Variants in LOXHD1 observed in about 807,000 individuals in gnomAD.
LOXHD1 encodes lipoxygenase homology PLAT domains 1.
Under a neutral mutation model 248.2 loss-of-function variants are expected in LOXHD1, and 205 were observed. The observed-to-expected ratio is 0.83, with a 90% confidence interval of 0.74 to 0.93. The LOEUF (loss-of-function observed/expected upper bound fraction) is 0.93, where lower values mean the gene tolerates loss of function less well. LOXHD1 is among the 40% of genes least tolerant of loss of function. LOXHD1 has a pLI of 0.00. For missense variants in LOXHD1, 2,930 were observed against 2,971.6 expected, an observed-to-expected ratio of 0.99 and a Z score of 0.33; for synonymous variants, 1,113 against 1,162.8, an observed-to-expected ratio of 0.96 and a Z score of 0.87.
intron 17 of LOXHD1, among the ~76,000 whole-genome samples, chr18:46,565,306 C>G (rs2037617138): frequency 6.6e-6 from 1 of 152,046 alleles, no homozygotes; most frequent in African/African-American, 2.4e-5. Context: ...CTGTGCCAGG[C>G]TTTGGTCCCA....
At chr18:46,545,763 G>A (rs1025915805) in intron 22 of LOXHD1, among the ~76,000 whole-genome samples, 8 of 148,478 alleles carry the variant, frequency 5.4e-5, no homozygotes, top group African/African-American at 2.0e-4. Context: ...CCAAGTAGCT[G>A]GGACTACAGG....
chr18:46,604,306 A>T, intron 6 of LOXHD1, 77 bp from the exon 7 acceptor site: 2 of 1,524,440 alleles, frequency 1.3e-6, no homozygotes, highest in Non-Finnish European at 1.8e-6. Flanking sequence ...CCAATCTTCC[A>T]ATCACTTGAG....
intron 28 of LOXHD1, among the ~76,000 whole-genome samples, chr18:46,532,547 G>A (rs1269313618): frequency 6.6e-6 from 1 of 151,884 alleles, no homozygotes; most frequent in African/African-American, 2.4e-5. Context: ...AGAATATGGT[G>A]GTATCACCAA....
intron 21 of LOXHD1, among the ~76,000 whole-genome samples, chr18:46,548,167 T>C (rs1393040177): frequency 6.8e-6 from 1 of 146,070 alleles, no homozygotes; most frequent in Admixed American, 6.7e-5. Context: ...ATATCCTCTC[T>C]GGGTGCTAAG....
intron 12 of LOXHD1, among the ~76,000 whole-genome samples, chr18:46,587,220 T>C (rs1183519992): frequency 3.9e-5 from 6 of 152,224 alleles, no homozygotes; most frequent in Admixed American, 2.0e-4. Context: ...TTGGTTCTTT[T>C]GTGTGAAGCT....
At chr18:46,521,995 A>C (rs2035598104) in intron 32 of LOXHD1, 106 bp downstream of exon 32, 5 of 891,626 alleles carry the variant, frequency 5.6e-6, no homozygotes, top group Non-Finnish European at 8.4e-6. Flanking sequence ...GGGGTGCTGC[A>C]GGTAGGCTGT....
At chr18:46,654,936 C>A (rs2039160649) in intron 1 of LOXHD1, among the ~76,000 whole-genome samples, 1 of 152,190 alleles carries the variant, frequency 6.6e-6, no homozygotes, top group Non-Finnish European at 1.5e-5. Context: ...ACCAGCCAGA[C>A]CAGCTGGATT....
chr18:46,622,805 G>A (rs895132079), intron 4 of LOXHD1, among the ~76,000 whole-genome samples: 32 of 152,338 alleles, frequency 2.1e-4, no homozygotes, highest in African/African-American at 5.5e-4. Flanking sequence ...TAGAAGAGGC[G>A]GCGTGGTCTG....
intron 21 of LOXHD1, among the ~76,000 whole-genome samples, chr18:46,552,927 A>AT (rs1315053915): frequency 6.6e-6 from 1 of 151,674 alleles, no homozygotes; most frequent in Non-Finnish European, 1.5e-5. Context: ...CCTGCATCAC[A>AT]TTTTTTCAAC....
At chr18:46,640,036 G>A (rs1360797690) in intron 3 of LOXHD1, among the ~76,000 whole-genome samples, 7 of 152,058 alleles carry the variant, frequency 4.6e-5, no homozygotes, top group African/African-American at 7.2e-5. Flanking sequence ...ATTAACTATC[G>A]CCTTTCACAG....
At chr18:46,479,924 C>T (rs192381466) in intron 40 of LOXHD1, among the ~76,000 whole-genome samples, 4 of 152,166 alleles carry the variant, frequency 2.6e-5, no homozygotes, top group Non-Finnish European at 4.4e-5. Context: ...GAAAAGTCAG[C>T]GCTTAAGGTG....
intron 18 of LOXHD1, among the ~76,000 whole-genome samples, chr18:46,562,693 C>T (rs1026994310): frequency 5.9e-5 from 9 of 152,174 alleles, no homozygotes; most frequent in African/African-American, 2.2e-4. Context: ...GAATCACCTG[C>T]TCCCATGGTT....
In LOXHD1 at chr18:46,477,748, G is replaced by T. The variant is rs1446996648; in HGVS notation, c.6546C>A (p.Asn2182Lys). Residue 2182 changes from asparagine (N) to lysine (K), a missense_variant, in exon 41 of 41, where the codon AAC becomes AAA. By Grantham distance (94) the Asn-to-Lys change is moderately conservative. Coordinates refer to ENST00000642948, the MANE Select transcript of LOXHD1 (RefSeq NM_001384474.1). Reference protein sequence around the residue: ...ANVFVTIFGANGDTGKRELKQ... With the variant: ...ANVFVTIFGAKGDTGKRELKQ... Reference sequence around the variant, plus strand: ...TCAGCTCCCGCTTGCCTGTGTCTCCGTTGGCCCCAAAGATGGTCACGAAGA... The same window carrying T: ...TCAGCTCCCGCTTGCCTGTGTCTCCTTTGGCCCCAAAGATGGTCACGAAGA... 1 of 1,551,924 alleles carries T rather than the reference G, an allele frequency of 6.4e-7. No individual in the cohort carries two copies. The highest frequency in any genetic ancestry group is 1.4e-5 in the African/African-American group (1 of 73,188).
At chr18:46,537,834 G>C (rs2036380951) in intron 26 of LOXHD1, among the ~76,000 whole-genome samples, 1 of 152,216 alleles carries the variant, frequency 6.6e-6, no homozygotes, top group Non-Finnish European at 1.5e-5. Context: ...AAGTCTGGGA[G>C]CTATGTTCCA....
chr18:46,610,206 G>T (rs2038484413), intron 6 of LOXHD1, among the ~76,000 whole-genome samples: 1 of 152,198 alleles, frequency 6.6e-6, no homozygotes, highest in Admixed American at 6.5e-5. Flanking sequence ...TCAGATGAAA[G>T]TACTGGGCTT....
Position 46,566,109 on chromosome 18 carries a change from GC to G in LOXHD1, c.2437+147del, listed in dbSNP as rs1490301732. 4 of 781,028 alleles carry G rather than the reference GC, an allele frequency of 5.1e-6. No individual in the cohort carries two copies. In the African/African-American group the frequency reaches 7.0e-5, roughly 14 times the overall value. The allele number at this position is 781,028 out of a possible 1,614,324, so 48.4% of individuals were successfully genotyped here. A position where few individuals can be genotyped will look rare whatever the true frequency, so the allele number is the denominator to read the frequency against. ...TCCTGCAAGAACCATAGTACCAGAA[GC>G]AGTGAAAGCCCCCATTTTCTCCCTG... On this transcript the variant is annotated intron_variant, in intron 17 of 40. Transcript: ENST00000642948.
At chr18:46,585,448 A>G (rs2038041350) in intron 12 of LOXHD1, among the ~76,000 whole-genome samples, 2 of 152,224 alleles carry the variant, frequency 1.3e-5, no homozygotes, top group African/African-American at 4.8e-5. Context: ...TTGCAACAGC[A>G]TCAAAAAGAA....
Position 46,601,339 on chromosome 18 carries a change from C to G in LOXHD1, c.1012G>C (p.Val338Leu). The change falls in exon 8 of 41, where the codon GTG (valine) becomes CTG (leucine). Residue 338 changes from valine (V) to leucine (L), a missense_variant. Val to Leu is a conservative substitution (Grantham distance 32). Transcript: ENST00000642948. Reference sequence around the variant, plus strand: ...ATGTCCGTGCGGCCTCGGTCAAACACGCCGCCCTCCAGGAAGATTTTCCCA... The same window carrying G: ...ATGTCCGTGCGGCCTCGGTCAAACAGGCCGCCCTCCAGGAAGATTTTCCCA... ...NSGKIFLEGG[V>L]FDRGRTDIFH... 1 of 1,551,682 alleles carries G rather than the reference C, an allele frequency of 6.4e-7. No individual in the cohort carries two copies.
intron 37 of LOXHD1, among the ~76,000 whole-genome samples, chr18:46,502,975 G>C (rs576294506): frequency 6.6e-6 from 1 of 152,264 alleles, no homozygotes; most frequent in South Asian, 2.1e-4. Context: ...CTGAGATAGA[G>C]GCTATGGCAG....
Sources: gnomAD v4.1 joint callset for allele counts (sites outside exome capture counted in the v4.1 genomes callset) on GRCh38, gnomAD v4.1.1 for gene constraint, MANE v1.5 for transcripts, NCBI Gene and HGNC (gene_info 2026-07-23, HGNC 2026-07-21) for gene names.